MAPRE3: variants seen among roughly 807,000 people sequenced by gnomAD.
The protein encoded by MAPRE3 is microtubule-associated protein RP/EB family member 3.
Under a neutral mutation model 30.5 loss-of-function variants are expected in MAPRE3, and 2 were observed. That is an observed-to-expected ratio of 0.07 (90% CI 0.03 to 0.21). MAPRE3 has a LOEUF of 0.21. Among genes scored for constraint, MAPRE3 ranks in the 10% least tolerant of loss-of-function variants. The probability of loss-of-function intolerance (pLI) is 1.00; values close to 1 mark genes in which losing one functional copy is unlikely to be tolerated. For synonymous variants in MAPRE3, 110 were observed against 127.7 expected, an observed-to-expected ratio of 0.86 and a Z score of 0.93; for missense variants, 204 against 351.8, an observed-to-expected ratio of 0.58 and a Z score of 3.36.
At chr2:26,998,824 G>A (rs1666522911) in intron 1 of MAPRE3, among the ~76,000 whole-genome samples, 1 of 152,202 alleles carries the variant, frequency 6.6e-6, no homozygotes, top group South Asian at 2.1e-4. Context: ...TATGTCTTTT[G>A]CACACAGTTT....
rs376363451 is a variant in MAPRE3 at position 27,023,508 on chromosome 2, G to A, written c.267+31G>A. 22 of 1,612,280 alleles carry A rather than the reference G, an allele frequency of 1.4e-5. No homozygotes were observed. In the African/African-American group the frequency reaches 2.3e-4, roughly 17 times the overall value. ...TGCCTGCGCTCTGGGGGGCCCTGAG[G>A]AGCAGTGTGACCCTGGGGAAGAAGA... On this transcript the variant is annotated intron_variant, in intron 3 of 6. Coordinates refer to ENST00000233121, the MANE Select transcript of MAPRE3 (RefSeq NM_012326.4).
intron 6 of MAPRE3, 30 bp from the exon 7 acceptor site, chr2:27,026,250 C>T (rs975971768): frequency 1.9e-6 from 3 of 1,597,572 alleles, no homozygotes; most frequent in African/African-American, 2.7e-5. Flanking sequence ...CTGCCTGGCC[C>T]ACCACTTTCC....
chr2:26,991,253 C>CA (rs1007082518), intron 1 of MAPRE3, among the ~76,000 whole-genome samples: 20 of 150,352 alleles, frequency 1.3e-4, no homozygotes, highest in South Asian at 4.2e-4. Flanking sequence ...GACTCCATCC[C>CA]AAAAAAAAAG....
At position 26,986,791 on chromosome 2, in the gene MAPRE3, G is replaced by A. The variant is rs575709944; in HGVS notation, c.-8+15989G>A. On this transcript the variant is annotated intron_variant, in intron 1 of 6. Coordinates refer to ENST00000233121, the MANE Select transcript of MAPRE3 (RefSeq NM_012326.4). This position sits in a 1 kb window ranked among gnomAD's most constrained non-coding sequence, Gnocchi z 4.2. Reference sequence around the variant, plus strand: ...GGCCACTGGAGAAGATCCAGAGGATGAATCACAGCAGTAGACATGGTATGG... The same window carrying A: ...GGCCACTGGAGAAGATCCAGAGGATAAATCACAGCAGTAGACATGGTATGG... 1 of 152,410 alleles carries A rather than the reference G, an allele frequency of 6.6e-6. No homozygotes were observed. The highest frequency in any genetic ancestry group is 2.1e-4 in the South Asian group (1 of 4,820). The allele number at this position is 152,410 out of a possible 1,614,324, so 9.4% of individuals were successfully genotyped here. A position where few individuals can be genotyped will look rare whatever the true frequency, so the allele number is the denominator to read the frequency against.
At chr2:26,995,936 G>C (rs534543918) in intron 1 of MAPRE3, among the ~76,000 whole-genome samples, 23 of 151,608 alleles carry the variant, frequency 1.5e-4, no homozygotes, top group African/African-American at 5.3e-4. Context: ...GATAGCAGAG[G>C]GAAGTATGTC....
intron 1 of MAPRE3, among the ~76,000 whole-genome samples, chr2:27,011,035 A>G (rs1666845364): frequency 1.3e-5 from 2 of 152,222 alleles, no homozygotes; most frequent in African/African-American, 4.8e-5. Context: ...TTCATTAAAC[A>G]GGGCAGATGA....
intron 1 of MAPRE3, among the ~76,000 whole-genome samples, chr2:26,971,296 C>G: frequency 6.6e-6 from 1 of 152,336 alleles, no homozygotes; most frequent in Middle Eastern, 3.4e-3. Flanking sequence ...CTGGGGGCCT[C>G]GGGTTTCTTC....
At chr2:26,988,919 C>A (rs969150968) in intron 1 of MAPRE3, among the ~76,000 whole-genome samples, 2 of 152,186 alleles carry the variant, frequency 1.3e-5, no homozygotes, top group African/African-American at 2.4e-5. Flanking sequence ...CCTGACACTC[C>A]TTGGCAGAAA....
intron 2 of MAPRE3, 167 bp downstream of exon 2, chr2:27,022,506 A>G: frequency 1.1e-6 from 1 of 898,448 alleles, no homozygotes; most frequent in Non-Finnish European, 1.7e-6. Context: ...AACATCACAG[A>G]GTGTATTTAC....
At chr2:26,988,256 C>T (rs1666260217) in intron 1 of MAPRE3, among the ~76,000 whole-genome samples, 1 of 152,224 alleles carries the variant, frequency 6.6e-6, no homozygotes, top group Non-Finnish European at 1.5e-5. Flanking sequence ...AATACAAGGA[C>T]ATTCCAGCAT....
intron 1 of MAPRE3, among the ~76,000 whole-genome samples, chr2:26,991,110 C>T (rs754074357): frequency 6.6e-6 from 1 of 152,146 alleles, no homozygotes; most frequent in Non-Finnish European, 1.5e-5. Flanking sequence ...AAAAATTAGC[C>T]AGGCGTGGTG....
chr2:27,012,496 G>A (rs1666883784), intron 1 of MAPRE3: 1 of 152,242 alleles, frequency 6.6e-6, no homozygotes, highest in African/African-American at 2.4e-5. Context: ...AAGGCTTTCT[G>A]GAGCTGGATG....
At chr2:27,023,998 C>A in intron 3 of MAPRE3, 98 bp from the exon 4 acceptor site, 1 of 917,226 alleles carries the variant, frequency 1.1e-6, no homozygotes, top group South Asian at 1.5e-5. Context: ...CGCTGCAGCC[C>A]AGGGGCTGGC....
chr2:27,007,501 A>G lies in MAPRE3; in HGVS notation c.-7-14711A>G, dbSNP rs573532753. On this transcript the variant is annotated intron_variant, in intron 1 of 6. Coordinates refer to ENST00000233121, the MANE Select transcript of MAPRE3 (RefSeq NM_012326.4). ...TCTGCATAACGAACTTTATTTTGAC[A>G]ATATTTTAGTTTCCCTTTGAAAACC... is the stretch of plus-strand genomic sequence containing the variant. 2.4e-3 allele frequency among the ~76,000 whole-genome samples: 373 copies of G among 152,362 alleles called. 1 individual carries two copies. Among genetic ancestry groups the G allele is most frequent in the African/African-American group, 8.6e-3 (357 of 41,586 alleles).
At chr2:27,019,737 G>T (rs1249804060) in intron 1 of MAPRE3, among the ~76,000 whole-genome samples, 2 of 152,098 alleles carry the variant, frequency 1.3e-5, no homozygotes, top group Non-Finnish European at 2.9e-5. Flanking sequence ...GCCTCCCTTT[G>T]CCTGGGCAAT....
In MAPRE3 at chr2:27,025,704, G is replaced by C; in HGVS notation, c.591G>C (p.Glu197Asp). The C allele has an allele frequency of 6.2e-7, 1 of 1,614,212 alleles. No individual in the cohort carries two copies. Among genetic ancestry groups the C allele is most frequent in the Non-Finnish European group, 8.5e-7 (1 of 1,180,028 alleles). ...NPPSARNGGH[E>D]TDAQILELNQ... ...CATCAGCCCGAAATGGCGGCCATGA[G>C]ACTGATGCCCAAATTCTTGAACTCA... Residue 197 changes from glutamate to aspartate, a missense_variant, in exon 5 of 7, where the codon GAG (glutamate) becomes GAC (aspartate). Physicochemically the swap from Glu to Asp is conservative, Grantham distance 45. Around this residue, in one of 5 missense-constraint regions of MAPRE3, gnomAD observed 42 missense variants for 81.2 expected, o/e 0.52. Coordinates refer to ENST00000233121, the MANE Select transcript of MAPRE3 (RefSeq NM_012326.4).
At chr2:26,990,085 G>A (rs1020290530) in intron 1 of MAPRE3, among the ~76,000 whole-genome samples, 3 of 152,180 alleles carry the variant, frequency 2.0e-5, no homozygotes, top group Non-Finnish European at 2.9e-5. Flanking sequence ...GAGCTGAGGC[G>A]GGAGGAACGC....
Position 27,026,444 on chromosome 2 carries a change from G to C in MAPRE3, c.*96G>C. The C allele has an allele frequency of 1.8e-6, 2 of 1,117,228 alleles. No individual in the cohort carries two copies. Among genetic ancestry groups the C allele is most frequent in the Non-Finnish European group, 2.6e-6 (2 of 768,436 alleles). The allele number at this position is 1,117,228 out of a possible 1,614,324, so 69.2% of individuals were successfully genotyped here. On this transcript the variant is annotated 3_prime_UTR_variant, in exon 7 of 7. Coordinates refer to ENST00000233121, the MANE Select transcript of MAPRE3 (RefSeq NM_012326.4). ...GTCCTTTCCTAACACGGTCGGCCGGGTGCTTTGTGTCAGTGCTGCAGCACT... is the reference window on the plus strand; with the variant it reads ...GTCCTTTCCTAACACGGTCGGCCGGCTGCTTTGTGTCAGTGCTGCAGCACT...
rs1258339407 is a variant in MAPRE3, at chr2:26,985,359, A to G, written c.-8+14557A>G. 6.6e-6 allele frequency among the ~76,000 whole-genome samples: 1 copy of G among 152,214 alleles called. No individual in the cohort carries two copies. The highest frequency in any genetic ancestry group is 2.4e-5 in the African/African-American group (1 of 41,458). On this transcript the variant is annotated intron_variant, in intron 1 of 6. Transcript: ENST00000233121. The surrounding 1 kb of genome is among the most constrained non-coding windows in gnomAD (Gnocchi z 4.2). The stretch of plus-strand genomic sequence containing the variant: ...TCTGTTCTGTGCATCTCATTTCTCC[A>G]TGTGCAAAGACTTAGCCAGAGAGCA...
Sources: gnomAD v4.1 joint callset for allele counts (sites outside exome capture counted in the v4.1 genomes callset) on GRCh38, gnomAD v4.1.1 for gene constraint, gnomAD v4.1.1 regional missense constraint, Gnocchi (gnomAD v3.1) non-coding constraint, MANE v1.5 for transcripts, NCBI Gene and HGNC (gene_info 2026-07-23, HGNC 2026-07-21) for gene names.